The following SOX6 variants were observed in gnomAD, a reference collection of about 807,000 sequenced individuals.
SOX6 encodes SRY-box transcription factor 6, also known as transcription factor SOX-6.
In SOX6, 11 loss-of-function variants were observed where a neutral mutation model predicts 97.8. The observed-to-expected ratio is 0.11, with a 90% CI of 0.07 to 0.19. The LOEUF is 0.19. SOX6 is among the 10% of genes least tolerant of loss of function. The pLI is 1.00. For missense variants in SOX6, 810 were observed against 1,039.5 expected, an observed-to-expected ratio of 0.78 and a Z score of 3.04; for synonymous variants, 360 against 371.4, an observed-to-expected ratio of 0.97 and a Z score of 0.35.
At chr11:16,474,230 G>A (rs976812821) in intron 1 of SOX6, among the ~76,000 whole-genome samples, 77 of 152,214 alleles carry the variant, frequency 5.1e-4, no homozygotes, top group African/African-American at 1.8e-3. Flanking sequence ...AGTCATCCAT[G>A]AGGGTTGAAA....
At chr11:16,392,810 T>A (rs545714640) in intron 1 of SOX6, among the ~76,000 whole-genome samples, 38 of 152,192 alleles carry the variant, frequency 2.5e-4, no homozygotes, top group Admixed American at 1.0e-3. Flanking sequence ...AGAAAGTACA[T>A]CTGGCCTTCA....
At chr11:16,296,246 T>C (rs1042876086) in intron 3 of SOX6, among the ~76,000 whole-genome samples, 1 of 152,104 alleles carries the variant, frequency 6.6e-6, no homozygotes, top group African/African-American at 2.4e-5. Context: ...AAGAATTCCA[T>C]AGTTATGTCT....
chr11:16,432,739 A>T lies in SOX6; in HGVS notation c.-5+43576T>A, dbSNP rs1019414253. ...GATCAAGAATCTGCCTTTTAAACAA[A>T]CACCAAAATCCAGTTATTCAGTTAG... On this transcript the variant is annotated intron_variant, in intron 1 of 15. Coordinates refer to the SOX6 transcript ENST00000396356. Among the ~76,000 whole-genome samples the T allele has an allele frequency of 2.6e-5, 4 of 152,084 alleles. No individual in the cohort carries two copies. The East Asian group carries it at 7.7e-4, about 29-fold the overall frequency.
intron 9 of SOX6, among the ~76,000 whole-genome samples, chr11:16,091,864 T>C (rs1235361135): frequency 6.6e-6 from 1 of 152,082 alleles, no homozygotes; most frequent in Non-Finnish European, 1.5e-5. Flanking sequence ...CTATCCATAC[T>C]ATCATTATAA....
rs1859705475 is a variant in SOX6 at position 16,451,014 on chromosome 11, G to A, written c.-5+25301C>T. On this transcript the variant is annotated intron_variant, in intron 1 of 15. Transcript: ENST00000396356. ...TTTGGGAGGCTAAGGCAGGTGGATT[G>A]CTTGAACCTAGCAGTTGACCAGCGT... 1.3e-5 allele frequency among the ~76,000 whole-genome samples: 2 copies of A among 152,098 alleles called. 1 individual carries two copies. The highest frequency in any genetic ancestry group is 4.1e-4 in the South Asian group (2 of 4,820).
intron 4 of SOX6, among the ~76,000 whole-genome samples, chr11:16,225,320 C>A (rs543450045): frequency 1.3e-5 from 2 of 151,416 alleles, no homozygotes; most frequent in African/African-American, 4.8e-5. Context: ...TTAAGTTCCA[C>A]CAGATATAAC....
intron 3 of SOX6, among the ~76,000 whole-genome samples, chr11:16,614,264 C>G (rs1848440769): frequency 6.6e-6 from 1 of 152,102 alleles, no homozygotes; most frequent in South Asian, 2.1e-4. Flanking sequence ...GAGCTGACTC[C>G]GTACTCCCTG....
intron 3 of SOX6, among the ~76,000 whole-genome samples, chr11:16,244,187 T>C (rs1034856703): frequency 1.3e-5 from 2 of 151,898 alleles, no homozygotes; most frequent in African/African-American, 4.8e-5. Context: ...TGTCTTAGTG[T>C]TAGCACTTTA....
At chr11:15,997,908 C>T (rs79522177) in intron 13 of SOX6, among the ~76,000 whole-genome samples, 13,601 of 151,830 alleles carry the variant, frequency 0.09, 1,237 homozygotes, top group East Asian at 0.36. Context: ...TGGTGAAACC[C>T]TGCTCTACTA....
At chr11:16,734,228 T>C (rs1430809986) in intron 2 of SOX6, among the ~76,000 whole-genome samples, 2 of 152,146 alleles carry the variant, frequency 1.3e-5, no homozygotes, top group South Asian at 2.1e-4. Flanking sequence ...ATGGACAGAA[T>C]GGGAGTTACC....
At chr11:16,517,144 A>C (rs1590230427) in intron 4 of SOX6, among the ~76,000 whole-genome samples, 1 of 151,914 alleles carries the variant, frequency 6.6e-6, no homozygotes, top group Non-Finnish European at 1.5e-5. Flanking sequence ...CATGCTAAAA[A>C]CTCTCAATAA....
intron 3 of SOX6, among the ~76,000 whole-genome samples, chr11:16,299,216 C>A (rs955534426): frequency 5.3e-5 from 8 of 152,136 alleles, no homozygotes; most frequent in Non-Finnish European, 8.8e-5. Flanking sequence ...ATGCATTCTA[C>A]TGCACGAAAA....
intron 3 of SOX6, among the ~76,000 whole-genome samples, chr11:16,254,834 C>T (rs926260071): frequency 1.3e-5 from 2 of 151,710 alleles, no homozygotes; most frequent in East Asian, 3.9e-4. Flanking sequence ...CAGAGATTGT[C>T]AGAGTGGGTC....
chr11:16,213,312 T>C (rs1248570891), intron 4 of SOX6, among the ~76,000 whole-genome samples: 1 of 152,120 alleles, frequency 6.6e-6, no homozygotes, highest in Non-Finnish European at 1.5e-5. Context: ...AAAGGATAAA[T>C]CTAATATTTT....
At chr11:16,020,254 T>G (rs1855012986) in intron 12 of SOX6, among the ~76,000 whole-genome samples, 2 of 151,858 alleles carry the variant, frequency 1.3e-5, no homozygotes, top group African/African-American at 4.8e-5. Flanking sequence ...CCCTCAACCC[T>G]CTCTCAATGC....
chr11:16,299,600 G>A (rs1302036901), intron 3 of SOX6, among the ~76,000 whole-genome samples: 1 of 152,076 alleles, frequency 6.6e-6, no homozygotes, highest in Non-Finnish European at 1.5e-5. Context: ...GAGAGAACAG[G>A]AAATTGCTAA....
At chr11:16,541,949 CA>C (rs1321665650) in intron 4 of SOX6, among the ~76,000 whole-genome samples, 6 of 152,178 alleles carry the variant, frequency 3.9e-5, no homozygotes, top group Admixed American at 6.5e-5. Context: ...TTTGACCCAG[CA>C]ATCCCATTAC....
At chr11:16,349,248 A>C (rs1406913741) in intron 1 of SOX6, among the ~76,000 whole-genome samples, 1 of 152,134 alleles carries the variant, frequency 6.6e-6, no homozygotes, top group Non-Finnish European at 1.5e-5. Context: ...ATACAGCAAA[A>C]ACTCTAATCA....
intron 12 of SOX6, among the ~76,000 whole-genome samples, chr11:16,019,352 C>T (rs76926988): frequency 0.01 from 1,548 of 152,192 alleles, 14 homozygotes; most frequent in Non-Finnish European, 0.018. Context: ...ACTTTACTAA[C>T]CTTTATTCAA....
Sources: allele counts gnomAD v4.1 joint callset (sites outside exome capture counted in the v4.1 genomes callset), GRCh38; gene constraint gnomAD v4.1.1; transcripts MANE v1.5; gene names NCBI Gene and HGNC (gene_info 2026-07-23, HGNC 2026-07-21).